GABRA1: variants seen among roughly 807,000 people sequenced by gnomAD.
The protein encoded by GABRA1 is gamma-aminobutyric acid type A receptor subunit alpha1.
A neutral mutation model predicts 48.9 loss-of-function variants in GABRA1; 9 were observed. The observed-to-expected ratio is 0.18, with a 90% CI of 0.11 to 0.32. GABRA1 has a LOEUF of 0.32. Ranked by LOEUF, GABRA1 falls within the 10% of genes least tolerant of loss-of-function variation. The pLI, the probability that GABRA1 is intolerant of heterozygous loss-of-function variation, is 1.00. For synonymous variants in GABRA1, 210 were observed against 198.7 expected (o/e 1.06, Z -0.48); for missense variants, 285 against 553.8 (o/e 0.51, Z 4.87).
intron 6 of GABRA1, chr5:161,882,346 T>C (rs527654828): frequency 2.7e-5 from 16 of 584,354 alleles, no homozygotes; most frequent in East Asian, 2.0e-4. Flanking sequence ...TAGATCCTTA[T>C]AACCATTTGT....
chr5:161,864,934 C>T (rs537975895), intron 3 of GABRA1, among the ~76,000 whole-genome samples: 6 of 151,790 alleles, frequency 4.0e-5, no homozygotes, highest in Admixed American at 1.3e-4. Context: ...TCATATTTTT[C>T]GTTTTCACCC....
intron 5 of GABRA1, among the ~76,000 whole-genome samples, chr5:161,874,770 A>G (rs1345275423): frequency 6.6e-6 from 1 of 152,136 alleles, no homozygotes; most frequent in Non-Finnish European, 1.5e-5. Context: ...CTACTTAATA[A>G]TATGGGTAAA....
At chr5:161,855,460 T>G (rs1757611585) in intron 3 of GABRA1, among the ~76,000 whole-genome samples, 2 of 151,516 alleles carry the variant, frequency 1.3e-5, no homozygotes, top group South Asian at 4.1e-4. Context: ...CTAATCAATT[T>G]CAAACATTCA....
At chr5:161,857,635 C>A (rs909916931) in intron 3 of GABRA1, among the ~76,000 whole-genome samples, 1 of 151,248 alleles carries the variant, frequency 6.6e-6, no homozygotes, top group Non-Finnish European at 1.5e-5. Flanking sequence ...GATTAGAATA[C>A]GTGGAATTCT....
At chr5:161,886,150 G>C (rs1754835277) in intron 7 of GABRA1, among the ~76,000 whole-genome samples, 1 of 152,062 alleles carries the variant, frequency 6.6e-6, no homozygotes, top group South Asian at 2.1e-4. Context: ...GCAGAACTGG[G>C]ATTTGAACCT....
At chr5:161,856,643 T>C (rs866764615) in intron 3 of GABRA1, among the ~76,000 whole-genome samples, 54 of 105,868 alleles carry the variant, frequency 5.1e-4, no homozygotes, top group African/African-American at 2.2e-3. Context: ...TTGAGATTTA[T>C]GAAAAAAACT....
chr5:161,895,923 T>A, intron 9 of GABRA1, 55 bp downstream of exon 9: 1 of 1,457,762 alleles, frequency 6.9e-7, no homozygotes, highest in Non-Finnish European at 9.6e-7. Flanking sequence ...TTTAAACCTA[T>A]GAAATGAGAT....
Position 161,855,977 on chromosome 5 carries a change from A to G in GABRA1, c.187+1707A>G, listed in dbSNP as rs568461779. 5.3e-5 allele frequency among the ~76,000 whole-genome samples: 8 copies of G among 151,510 alleles called. 1 individual carries two copies. In the South Asian group the frequency reaches 1.7e-3, roughly 31 times the overall value. Reference sequence around the variant, plus strand: ...AATTTATTAAATAGTTTTACACACAAACTGTTAAAATATTAGCCATGTGGT... The same window carrying G: ...AATTTATTAAATAGTTTTACACACAGACTGTTAAAATATTAGCCATGTGGT... On this transcript the variant is annotated intron_variant, in intron 3 of 9. Coordinates refer to ENST00000393943, the MANE Select transcript of GABRA1 (RefSeq NM_001127644.2).
chr5:161,895,485 G>T (rs1175908668), intron 8 of GABRA1, among the ~76,000 whole-genome samples, 181 bp from the exon 9 acceptor site: 1 of 152,102 alleles, frequency 6.6e-6, no homozygotes. Context: ...GCCATTCCAT[G>T]AATCACAGAC....
Position 161,850,878 on chromosome 5 carries a change from G to A in GABRA1, c.68G>A (p.Gly23Glu). The change falls in exon 2 of 10, where the codon GGA (glycine) becomes GAA (glutamate). Residue 23 changes from glycine to glutamate, a missense_variant. Gly to Glu is a moderately conservative substitution (Grantham distance 98, BLOSUM62 -2). This residue lies in a region of GABRA1 where 45 missense variants were observed against 39.9 expected (regional missense o/e 1.13). Transcript: ENST00000393943. ...AWILLLSTLT[G>E]RSYGQPSLQD... is the part of the protein sequence containing the mutation. ...ATCCTCCTTCTGAGCACACTGACTGGAAGAAGGTGGGGACACTTTTTTAAA... is the reference window on the plus strand; with the variant it reads ...ATCCTCCTTCTGAGCACACTGACTGAAAGAAGGTGGGGACACTTTTTTAAA... 6.2e-7 allele frequency: 1 copy of A among 1,613,396 alleles called. No homozygotes were observed. Among genetic ancestry groups the A allele is most frequent in the Non-Finnish European group, 8.5e-7 (1 of 1,179,370 alleles).
chr5:161,850,721 C>T (rs1757408560), intron 1 of GABRA1, 75 bp from the exon 2 acceptor site: 1 of 1,214,502 alleles, frequency 8.2e-7, no homozygotes, highest in Non-Finnish European at 1.2e-6. Context: ...ATCTAAACTG[C>T]CTCAGTCAGC....
intron 6 of GABRA1, among the ~76,000 whole-genome samples, chr5:161,876,459 T>C (rs1343810137): frequency 6.6e-6 from 1 of 152,166 alleles, no homozygotes; most frequent in Non-Finnish European, 1.5e-5. Flanking sequence ...TAACCGATTT[T>C]CTGTTCTCAC....
At chr5:161,895,972 T>G in intron 9 of GABRA1, 104 bp downstream of exon 9, 1 of 961,518 alleles carries the variant, frequency 1.0e-6, no homozygotes, top group Non-Finnish European at 1.7e-6. Flanking sequence ...TGCAGAATAA[T>G]AAGGATTCTT....
intron 7 of GABRA1, among the ~76,000 whole-genome samples, chr5:161,888,423 G>C (rs1468454684): frequency 6.6e-6 from 1 of 152,038 alleles, no homozygotes; most frequent in Non-Finnish European, 1.5e-5. Context: ...AAATCTGTTA[G>C]GGAAAAAGTT....
chr5:161,863,176 T>TATA (rs1411439735), intron 3 of GABRA1, among the ~76,000 whole-genome samples: 1 of 151,926 alleles, frequency 6.6e-6, no homozygotes, highest in African/African-American at 2.4e-5. Flanking sequence ...TATATACACA[T>TATA]ATACAGTGTG....
chr5:161,850,797 T>C lies in GABRA1; in HGVS notation c.-14T>C. Reference sequence around the variant, plus strand: ...ATCTCTACTTATTCTACTTTTCAGCTGCTCCAGCCCGCGATGAGGAAAAGT... The same window carrying C: ...ATCTCTACTTATTCTACTTTTCAGCCGCTCCAGCCCGCGATGAGGAAAAGT... On this transcript the variant is annotated splice_region_variant and 5_prime_UTR_variant, in exon 2 of 10. Transcript: ENST00000393943. The C allele has an allele frequency of 1.2e-6, 2 of 1,613,872 alleles. No individual in the cohort carries two copies. Among genetic ancestry groups the C allele is most frequent in the Non-Finnish European group, 1.7e-6 (2 of 1,179,732 alleles).
chr5:161,863,774 T>C (rs776872425), intron 3 of GABRA1, among the ~76,000 whole-genome samples: 15 of 151,892 alleles, frequency 9.9e-5, no homozygotes, highest in Non-Finnish European at 1.9e-4. Context: ...AACAACATAA[T>C]GTATTATATA....
In GABRA1 at chr5:161,897,312, C is replaced by A. The variant is rs756295089; in HGVS notation, c.1261C>A (p.Arg421=). 8 of 1,613,946 alleles carry A rather than the reference C, an allele frequency of 5.0e-6. No individual in the cohort carries two copies. The Admixed American group carries it at 6.7e-5, about 13-fold the overall frequency. The change falls in exon 10 of 10, where the codon CGA becomes AGA. Residue 421 remains arginine, a synonymous_variant. Coordinates refer to ENST00000393943, the MANE Select transcript of GABRA1 (RefSeq NM_001127644.2). The stretch of plus-strand genomic sequence containing the variant: ...CTTTAACAGTGTCAGCAAAATTGAC[C>A]GACTGTCAAGAATAGCCTTCCCGCT... The part of the protein sequence containing the change: ...KTFNSVSKID[R]LSRIAFPLLF...
chr5:161,893,048 T>TAATAATAAAAAAAA (rs5872733), intron 8 of GABRA1, among the ~76,000 whole-genome samples: 14 of 142,010 alleles, frequency 9.9e-5, no homozygotes, highest in East Asian at 8.2e-4. Flanking sequence ...ATAATAATAA[T>TAATAATAAAAAAAA]AAAATAAACA....
Sources: gnomAD v4.1 joint callset for allele counts (sites outside exome capture counted in the v4.1 genomes callset) on GRCh38, gnomAD v4.1.1 for gene constraint, gnomAD v4.1.1 regional missense constraint, MANE v1.5 for transcripts, NCBI Gene and HGNC (gene_info 2026-07-23, HGNC 2026-07-21) for gene names.